Variants in SH3PXD2A observed in about 807,000 individuals in gnomAD.
The protein encoded by SH3PXD2A is SH3 and PX domains 2A, also known as SH3 and PX domain-containing protein 2A.
SH3PXD2A carries 32 observed loss-of-function variants against 115.2 expected under a neutral mutation model. That is an observed-to-expected ratio of 0.28 (90% CI 0.21 to 0.37). The LOEUF (loss-of-function observed/expected upper bound fraction) is 0.37. SH3PXD2A is among the 10% of genes least tolerant of loss of function. The pLI, the probability that SH3PXD2A is intolerant of heterozygous loss-of-function variation, is 1.00. For synonymous variants in SH3PXD2A, 610 were observed against 629.1 expected (o/e 0.97, Z 0.45); for missense variants, 1,328 against 1,498.7 (o/e 0.89, Z 1.88).
chr10:103,668,470 T>C (rs943180416), intron 7 of SH3PXD2A, 138 bp downstream of exon 7: 10 of 749,020 alleles, frequency 1.3e-5, no homozygotes, highest in Non-Finnish European at 2.3e-5. Flanking sequence ...GCACAGCAAG[T>C]GGCAGACCCC....
Position 103,661,042 on chromosome 10 carries a change from T to C in SH3PXD2A, c.545A>G (p.Asn182Ser), listed in dbSNP as rs1173441198. Residue 182 changes from asparagine (N) to serine (S), a missense_variant, in exon 8 of 15, where the codon AAC (asparagine) becomes AGC (serine). This residue lies in a region of SH3PXD2A where 509 missense variants were observed against 628.3 expected (regional missense o/e 0.81). Coordinates refer to ENST00000369774, the MANE Select transcript of SH3PXD2A (RefSeq NM_001394015.1). ...CCCGGCCTGGAGGCTCAGCTCCGAG[T>C]TCTCCTGCTTCTTATAGTTGGACAC... ...VVVSNYKKQE[N>S]SELSLQAGEV... 11 of 1,613,980 alleles carry C rather than the reference T, an allele frequency of 6.8e-6. No homozygotes were observed. Among genetic ancestry groups the C allele is most frequent in the Non-Finnish European group, 9.3e-6 (11 of 1,179,986 alleles).
intron 9 of SH3PXD2A, among the ~76,000 whole-genome samples, chr10:103,625,231 C>T (rs868603164): frequency 1.3e-5 from 2 of 152,226 alleles, no homozygotes; most frequent in South Asian, 2.1e-4. Flanking sequence ...GGCCTTCTCC[C>T]CACTCAGTGC....
chr10:103,623,559 A>G (rs2036643179), intron 9 of SH3PXD2A, among the ~76,000 whole-genome samples: 1 of 151,928 alleles, frequency 6.6e-6, no homozygotes, highest in Non-Finnish European at 1.5e-5. Context: ...ACCGTCCCAG[A>G]CCACCGAGGC....
intron 8 of SH3PXD2A, among the ~76,000 whole-genome samples, chr10:103,637,072 T>C (rs2036878382): frequency 6.6e-6 from 1 of 152,190 alleles, no homozygotes; most frequent in Non-Finnish European, 1.5e-5. Context: ...CCCGAGCACC[T>C]GGTACGGGCC....
chr10:103,743,278 C>T (rs1466188206), intron 3 of SH3PXD2A, among the ~76,000 whole-genome samples: 1 of 152,100 alleles, frequency 6.6e-6, no homozygotes, highest in Non-Finnish European at 1.5e-5. Context: ...CACAAACGAC[C>T]CCTCTTTCAT....
intron 8 of SH3PXD2A, among the ~76,000 whole-genome samples, chr10:103,656,069 C>T (rs1167076881): frequency 6.6e-6 from 1 of 152,242 alleles, no homozygotes; most frequent in African/African-American, 2.4e-5. Flanking sequence ...CTACTTATAT[C>T]ACACAGTATA....
In SH3PXD2A at chr10:103,735,723, C is replaced by T; in HGVS notation, c.306+9G>A. 5.4e-6 allele frequency: 6 copies of T among 1,115,586 alleles called. No individual in the cohort carries two copies. Among genetic ancestry groups the T allele is most frequent in the Non-Finnish European group, 7.9e-6 (6 of 762,624 alleles). The allele number at this position is 1,115,586 out of a possible 1,614,324, so 69.1% of individuals were successfully genotyped here. A position where few individuals can be genotyped will look rare whatever the true frequency, so the allele number is the denominator to read the frequency against. ...CGAGCCCCTCCCCCAGCCCCAGATA[C>T]ACTCTCACCCGGCAGTATTCATCGA... On this transcript the variant is annotated intron_variant, in intron 4 of 14. Transcript: ENST00000369774.
At chr10:103,679,644 C>T (rs1235014369) in intron 6 of SH3PXD2A, among the ~76,000 whole-genome samples, 1 of 152,256 alleles carries the variant, frequency 6.6e-6, no homozygotes, top group East Asian at 1.9e-4. Flanking sequence ...CAGGAGCTCA[C>T]AGGCCAGAAG....
intron 1 of SH3PXD2A, among the ~76,000 whole-genome samples, chr10:103,847,938 CAAAAAA>C (rs554446936): frequency 1.4e-3 from 6 of 4,174 alleles, no homozygotes; most frequent in Admixed American, 5.4e-3. Context: ...GACCCCAACT[CAAAAAA>C]AAAAAAAACC....
intron 6 of SH3PXD2A, among the ~76,000 whole-genome samples, chr10:103,674,060 G>T (rs1395746450): frequency 6.6e-6 from 1 of 152,178 alleles, no homozygotes; most frequent in African/African-American, 2.4e-5. Flanking sequence ...TTTTGAACTG[G>T]TTTCTAAATA....
intron 2 of SH3PXD2A, among the ~76,000 whole-genome samples, chr10:103,771,726 C>G (rs137950499): frequency 0.016 from 2,373 of 149,128 alleles, 73 homozygotes; most frequent in African/African-American, 0.055. Flanking sequence ...CAGAGCGAGA[C>G]TCCGTCAAAA....
At chr10:103,807,517 A>C (rs1322476494) in intron 1 of SH3PXD2A, among the ~76,000 whole-genome samples, 1 of 152,214 alleles carries the variant, frequency 6.6e-6, no homozygotes, top group Non-Finnish European at 1.5e-5. Context: ...AGCTGGCTGC[A>C]CTAGGGCCAT....
chr10:103,726,665 C>T (rs1169900014), intron 4 of SH3PXD2A, among the ~76,000 whole-genome samples: 1 of 151,978 alleles, frequency 6.6e-6, no homozygotes, highest in East Asian at 1.9e-4. Context: ...GATAGTGGGG[C>T]AAAAAACCCA....
chr10:103,737,660 T>C (rs1267607556), intron 3 of SH3PXD2A, among the ~76,000 whole-genome samples: 2 of 152,208 alleles, frequency 1.3e-5, no homozygotes, highest in Non-Finnish European at 2.9e-5. Flanking sequence ...AACTCCCTGT[T>C]TGTCACTGAG....
At chr10:103,697,619 C>T (rs891545933) in intron 5 of SH3PXD2A, among the ~76,000 whole-genome samples, 1 of 152,192 alleles carries the variant, frequency 6.6e-6, no homozygotes, top group Non-Finnish European at 1.5e-5. Flanking sequence ...TATTAGGACA[C>T]ATTTAACCTC....
intron 1 of SH3PXD2A, among the ~76,000 whole-genome samples, chr10:103,815,329 A>C (rs2039313057): frequency 6.6e-6 from 1 of 151,694 alleles, no homozygotes. Context: ...CAAAGGACTT[A>C]TATCTGGAAC....
At chr10:103,745,146 G>C (rs1010713951) in intron 3 of SH3PXD2A, among the ~76,000 whole-genome samples, 2 of 152,198 alleles carry the variant, frequency 1.3e-5, no homozygotes. Flanking sequence ...GCCCCAAGCT[G>C]CTAGGAAGCA....
chr10:103,803,317 T>G (rs540218944), intron 1 of SH3PXD2A, among the ~76,000 whole-genome samples: 149 of 152,332 alleles, frequency 9.8e-4, no homozygotes, highest in Non-Finnish European at 1.9e-3. Flanking sequence ...CTATTGGCTA[T>G]TATTATAATA....
chr10:103,830,202 G>A (rs1319860524), intron 1 of SH3PXD2A, among the ~76,000 whole-genome samples: 1 of 152,252 alleles, frequency 6.6e-6, no homozygotes, highest in Non-Finnish European at 1.5e-5. Context: ...AATGGAGGAA[G>A]GTTTCGGGTT....
Sources: allele counts gnomAD v4.1 joint callset (sites outside exome capture counted in the v4.1 genomes callset), GRCh38; gene constraint gnomAD v4.1.1; regional missense constraint gnomAD v4.1.1; transcripts MANE v1.5; gene names NCBI Gene and HGNC (gene_info 2026-07-23, HGNC 2026-07-21).